The following NSUN6 variants were observed in gnomAD, a reference collection of about 807,000 sequenced individuals.
NSUN6 encodes tRNA (cytosine(72)-C(5))-methyltransferase NSUN6.
A neutral mutation model predicts 58.0 loss-of-function variants in NSUN6; 64 were observed. That is an observed-to-expected ratio of 1.10 (90% CI 0.90 to 1.36). NSUN6 has a LOEUF of 1.36. Ranked by LOEUF, NSUN6 falls within the 40% of genes most tolerant of loss-of-function variation. The pLI, the probability that NSUN6 is intolerant of heterozygous loss-of-function variation, is 0.00. For missense variants in NSUN6, 701 were observed against 550.1 expected, an observed-to-expected ratio of 1.27 and a Z score of -2.74; for synonymous variants, 231 against 193.9, an observed-to-expected ratio of 1.19 and a Z score of -1.59.
Position 18,600,959 on chromosome 10 carries a change from T to TATATATATATATATATATATACATAC in NSUN6, c.658-4633_658-4632insGTATGTATATATATATATATATATAT. The stretch of plus-strand genomic sequence containing the variant: ...AAAAAAAAATATATATATATATATA[T>TATATATATATATATATATATACATAC]ACATATATATATATATATGTATATA... On this transcript the variant is annotated intron_variant, in intron 6 of 10. Coordinates refer to ENST00000377304, the MANE Select transcript of NSUN6 (RefSeq NM_182543.5). Among the ~76,000 whole-genome samples the TATATATATATATATATATATACATAC allele has an allele frequency of 8.3e-4, 54 of 64,936 alleles. 1 individual carries two copies. In the East Asian group the frequency reaches 0.035, roughly 42 times the overall value. The allele number at this position is 64,936 out of a possible 152,430, so 42.6% of individuals were successfully genotyped here. A position where few individuals can be genotyped will look rare whatever the true frequency, so the allele number is the denominator to read the frequency against.
At chr10:18,626,522 C>G (rs1019229322) in intron 3 of NSUN6, among the ~76,000 whole-genome samples, 4 of 152,218 alleles carry the variant, frequency 2.6e-5, no homozygotes, top group Non-Finnish European at 4.4e-5. Flanking sequence ...AATCCCAGCA[C>G]TTTAGGAGGC....
chr10:18,551,244 T>TGTGTGTGTGTG (rs1554847994), intron 9 of NSUN6, among the ~76,000 whole-genome samples: 2 of 127,080 alleles, frequency 1.6e-5, no homozygotes, highest in African/African-American at 3.0e-5. Context: ...GTCCTCTCAG[T>TGTGTGTGTGTG]TGTGTGTGTG....
chr10:18,573,722 A>T (rs1049225080), intron 8 of NSUN6, among the ~76,000 whole-genome samples: 1 of 152,138 alleles, frequency 6.6e-6, no homozygotes, highest in South Asian at 2.1e-4. Context: ...ACGAGTCTCA[A>T]AAAGAAAGCT....
At chr10:18,588,235 G>A (rs2131138954) in intron 7 of NSUN6, among the ~76,000 whole-genome samples, 1 of 152,326 alleles carries the variant, frequency 6.6e-6, no homozygotes, top group South Asian at 2.1e-4. Flanking sequence ...ACTGGGCAGG[G>A]CATCTCTGAA....
intron 7 of NSUN6, among the ~76,000 whole-genome samples, chr10:18,594,974 A>G (rs930807419): frequency 2.1e-4 from 32 of 152,202 alleles, no homozygotes; most frequent in African/African-American, 7.2e-4. Flanking sequence ...GCTCTCTGCC[A>G]TCACCAGCCC....
intron 6 of NSUN6, among the ~76,000 whole-genome samples, chr10:18,606,764 T>G (rs2131298292): frequency 6.6e-6 from 1 of 152,320 alleles, no homozygotes; most frequent in South Asian, 2.1e-4. Flanking sequence ...AAAAAAATCT[T>G]TATTAAAAAG....
Position 18,545,878 on chromosome 10 carries a change from A to AAAAAAAC in NSUN6, c.*54_*55insGTTTTTT. 9.3e-7 allele frequency: 1 copy of AAAAAAAC among 1,081,064 alleles called. No homozygotes were observed. Among genetic ancestry groups the AAAAAAAC allele is most frequent in the East Asian group, 2.4e-5 (1 of 42,064 alleles). 67.0% of individuals were successfully genotyped at this position (1,081,064 alleles called of 1,614,324 possible). The stretch of plus-strand genomic sequence containing the variant: ...TGACAACACTTTGGTTAAAAAAAAA[A>AAAAAAAC]AAACCACAGACAGCAAATGTTTGGA... On this transcript the variant is annotated 3_prime_UTR_variant, in exon 11 of 11. Transcript: ENST00000377304.
At chr10:18,564,602 G>A (rs751420865) in intron 8 of NSUN6, among the ~76,000 whole-genome samples, 14 of 131,352 alleles carry the variant, frequency 1.1e-4, no homozygotes, top group Non-Finnish European at 1.8e-4. Flanking sequence ...TCTCCATTCC[G>A]TACCATTCTC....
rs945207853 is a variant in NSUN6, at chr10:18,587,196, A to C, written c.778-1103T>G. Among the ~76,000 whole-genome samples, 3 of 152,188 alleles carry C rather than the reference A, an allele frequency of 2.0e-5. No homozygotes were observed. The East Asian group carries it at 5.8e-4, about 29-fold the overall frequency. ...CTGGAGGCAAACATTAAAAATCACC[A>C]ATTTGATGTGCCTTGCTCACCTCTG... On this transcript the variant is annotated intron_variant, in intron 7 of 10. Coordinates refer to ENST00000377304, the MANE Select transcript of NSUN6 (RefSeq NM_182543.5).
chr10:18,597,159 T>C lies in NSUN6; in HGVS notation c.658-832A>G, dbSNP rs547989101. On this transcript the variant is annotated intron_variant, in intron 6 of 10. Transcript: ENST00000377304. The stretch of plus-strand genomic sequence containing the variant: ...ATACAACCAAAACATACCTCATCTA[T>C]AGCAGTAAGTCATATTAAATCATTA... 1.2e-4 allele frequency among the ~76,000 whole-genome samples: 19 copies of C among 152,344 alleles called. No homozygotes were observed. The East Asian group carries it at 3.5e-3, about 28-fold the overall frequency.
chr10:18,616,153 C>T (rs932548909), intron 4 of NSUN6, 31 bp downstream of exon 4: 2 of 1,197,896 alleles, frequency 1.7e-6, no homozygotes, highest in Non-Finnish European at 1.2e-6. Context: ...TTTTAGAGAA[C>T]CTTAAAGACA....
rs993844664 is a variant in NSUN6 at position 18,648,591 on chromosome 10, T to C, written c.130A>G (p.Lys44Glu). ...AATGATGGAGGATGTGACAGGTGCTTTAACAAAGTTTCAAACTTCCTTTCT... is the reference window on the plus strand; with the variant it reads ...AATGATGGAGGATGTGACAGGTGCTCTAACAAAGTTTCAAACTTCCTTTCT... ...EAERKFETLL[K>E]HLSHPPSFTT... The change falls in exon 2 of 11, where the codon AAG becomes GAG. Residue 44 changes from lysine to glutamate, a missense_variant. Transcript: ENST00000377304. 6.2e-7 allele frequency: 1 copy of C among 1,607,310 alleles called. No homozygotes were observed. The highest frequency in any genetic ancestry group is 1.3e-5 in the African/African-American group (1 of 74,918).
intron 3 of NSUN6, among the ~76,000 whole-genome samples, chr10:18,627,435 G>T (rs565390304): frequency 6.6e-6 from 1 of 152,288 alleles, no homozygotes; most frequent in African/African-American, 2.4e-5. Flanking sequence ...GAACAGCTCC[G>T]GTCTACAGCT....
At chr10:18,568,205 C>T (rs577658410) in intron 8 of NSUN6, among the ~76,000 whole-genome samples, 3 of 150,796 alleles carry the variant, frequency 2.0e-5, no homozygotes, top group African/African-American at 4.9e-5. Context: ...CAAAATTCAC[C>T]ATTCCATTCC....
At chr10:18,611,368 A>G (rs2058228685) in intron 5 of NSUN6, among the ~76,000 whole-genome samples, 5 of 152,250 alleles carry the variant, frequency 3.3e-5, no homozygotes, top group Admixed American at 2.0e-4. Context: ...TGATCTTGGC[A>G]GACATGCATC....
intron 3 of NSUN6, 75 bp downstream of exon 3, chr10:18,642,401 C>A: frequency 1.3e-6 from 1 of 749,470 alleles, no homozygotes; most frequent in Non-Finnish European, 2.4e-6. Flanking sequence ...AGTATTATCA[C>A]TGAACAATTA....
At chr10:18,578,421 A>G (rs909333538) in intron 8 of NSUN6, among the ~76,000 whole-genome samples, 1 of 151,896 alleles carries the variant, frequency 6.6e-6, no homozygotes, top group South Asian at 2.1e-4. Context: ...TCTAGTAGAG[A>G]TGGGGGTTTC....
At chr10:18,626,585 T>A (rs1049958106) in intron 3 of NSUN6, among the ~76,000 whole-genome samples, 1 of 152,156 alleles carries the variant, frequency 6.6e-6, no homozygotes, top group East Asian at 1.9e-4. Context: ...CTGGCCAACA[T>A]GGTGAAACCC....
At chr10:18,559,598 G>C (rs2055324989) in intron 8 of NSUN6, among the ~76,000 whole-genome samples, 1 of 151,130 alleles carries the variant, frequency 6.6e-6, no homozygotes, top group African/African-American at 2.4e-5. Context: ...GAATGGAATG[G>C]AGAATGGAAT....
Sources: gnomAD v4.1 joint callset for allele counts (sites outside exome capture counted in the v4.1 genomes callset) on GRCh38, gnomAD v4.1.1 for gene constraint, MANE v1.5 for transcripts, NCBI Gene and HGNC (gene_info 2026-07-23, HGNC 2026-07-21) for gene names.